Variants in ADAMTSL1 observed in about 807,000 individuals in gnomAD.
ADAMTSL1 encodes the protein ADAMTS like 1, also known as ADAMTS-like protein 1.
Under a neutral mutation model 201.8 loss-of-function variants are expected in ADAMTSL1, and 126 were observed. That is an observed-to-expected ratio of 0.62 (90% CI 0.54 to 0.72). The LOEUF (loss-of-function observed/expected upper bound fraction) is 0.72, where lower values mean the gene tolerates loss of function less well. Among genes scored for constraint, ADAMTSL1 ranks in the 30% least tolerant of loss-of-function variants. ADAMTSL1 has a pLI of 0.00. For synonymous variants in ADAMTSL1, 1,121 were observed against 903.4 expected, an observed-to-expected ratio of 1.24 and a Z score of -4.32; for missense variants, 2,679 against 2,277.8, an observed-to-expected ratio of 1.18 and a Z score of -3.59.
chr9:18,567,730 A>G (rs917410271), intron 3 of ADAMTSL1, among the ~76,000 whole-genome samples: 1 of 152,186 alleles, frequency 6.6e-6, no homozygotes, highest in East Asian at 1.9e-4. Context: ...TAACACAAAT[A>G]TATTCTTATA....
At chr9:18,786,780 G>A (rs72690558) in intron 19 of ADAMTSL1, among the ~76,000 whole-genome samples, 21,158 of 152,224 alleles carry the variant, frequency 0.14, 1,886 homozygotes, top group Non-Finnish European at 0.2. Context: ...CAGGCATCAT[G>A]AGGGGATGTT....
chr9:18,180,245 A>G (rs1487132850), intron 2 of ADAMTSL1, among the ~76,000 whole-genome samples: 1 of 152,140 alleles, frequency 6.6e-6, no homozygotes, highest in Admixed American at 6.5e-5. Context: ...GATAAAACAG[A>G]CTTTAAGGCC....
chr9:18,461,400 CAT>C (rs764671782), intron 2 of ADAMTSL1, among the ~76,000 whole-genome samples: 34 of 152,050 alleles, frequency 2.2e-4, no homozygotes, highest in Non-Finnish European at 2.9e-4. Context: ...ATGGTTTACA[CAT>C]GTTTGAAATA....
chr9:18,364,938 C>T (rs1318529400), intron 2 of ADAMTSL1, among the ~76,000 whole-genome samples: 1 of 152,078 alleles, frequency 6.6e-6, no homozygotes. Context: ...GAACTCCGCC[C>T]CCATGATCCA....
intron 23 of ADAMTSL1, among the ~76,000 whole-genome samples, chr9:18,844,598 G>C (rs1161412556): frequency 6.6e-6 from 1 of 152,206 alleles, no homozygotes; most frequent in Non-Finnish European, 1.5e-5. Flanking sequence ...AGTCTGCAGA[G>C]GTTACTGCTG....
At chr9:18,629,934 T>C (rs1826640423) in intron 5 of ADAMTSL1, among the ~76,000 whole-genome samples, 1 of 152,226 alleles carries the variant, frequency 6.6e-6, no homozygotes, top group African/African-American at 2.4e-5. Flanking sequence ...TATTTTAATA[T>C]CCATTCTGTG....
At chr9:18,415,487 G>C (rs1195274199) in intron 2 of ADAMTSL1, among the ~76,000 whole-genome samples, 1 of 152,034 alleles carries the variant, frequency 6.6e-6, no homozygotes, top group Non-Finnish European at 1.5e-5. Flanking sequence ...TATACTAATA[G>C]AAAGATCCCA....
rs528569121 is a variant in ADAMTSL1, at chr9:17,953,157, C to G, written c.87+46235C>G. 7.9e-5 allele frequency among the ~76,000 whole-genome samples: 12 copies of G among 152,078 alleles called. No individual in the cohort carries two copies. In the South Asian group the frequency reaches 2.3e-3, roughly 29 times the overall value. Reference sequence around the variant, plus strand: ...ATGACACATTGTATTGCTAAAAGTTCAGGTTCTTACTGCTGCTGTTGATGC... The same window carrying G: ...ATGACACATTGTATTGCTAAAAGTTGAGGTTCTTACTGCTGCTGTTGATGC... On this transcript the variant is annotated intron_variant, in intron 1 of 29. Transcript: ENST00000680146.
intron 1 of ADAMTSL1, among the ~76,000 whole-genome samples, chr9:18,073,920 C>G (rs1336594266): frequency 6.6e-6 from 1 of 152,060 alleles, no homozygotes; most frequent in Admixed American, 6.6e-5. Context: ...GGCTAATTTG[C>G]TAAAGGTTGC....
chr9:18,622,324 C>T lies in ADAMTSL1; in HGVS notation c.556C>T (p.Arg186Trp), dbSNP rs139380084. 8.2e-5 allele frequency: 133 copies of T among 1,613,888 alleles called. No individual in the cohort carries two copies. Among genetic ancestry groups the T allele is most frequent in the Middle Eastern group, 1.6e-4 (1 of 6,082 alleles). Reference sequence around the variant, plus strand: ...CTGCAACGGAGATGGGTCCACCTGCCGGCTGGTCCGAGGGCAGTATAAATC... The same window carrying T: ...CTGCAACGGAGATGGGTCCACCTGCTGGCTGGTCCGAGGGCAGTATAAATC... ...GVCNGDGSTCRLVRGQYKSQL... is the reference protein window; with the variant it reads ...GVCNGDGSTCWLVRGQYKSQL... Residue 186 changes from arginine to tryptophan, a missense_variant, in exon 5 of 29, where the codon CGG (arginine) becomes TGG (tryptophan). Coordinates refer to ENST00000380548, the MANE Select transcript of ADAMTSL1 (RefSeq NM_001040272.6).
chr9:18,544,576 T>C (rs1436959040), intron 3 of ADAMTSL1, among the ~76,000 whole-genome samples: 3 of 152,156 alleles, frequency 2.0e-5, no homozygotes, highest in Non-Finnish European at 4.4e-5. Context: ...GCAATAGTTG[T>C]AAATGACCAT....
At chr9:18,011,656 C>T (rs975011726) in intron 1 of ADAMTSL1, among the ~76,000 whole-genome samples, 6 of 152,026 alleles carry the variant, frequency 3.9e-5, no homozygotes, top group African/African-American at 1.2e-4. Flanking sequence ...ACATGGTAAG[C>T]CATCTAAAAC....
At chr9:18,282,878 C>G (rs977147790) in intron 2 of ADAMTSL1, among the ~76,000 whole-genome samples, 2 of 152,140 alleles carry the variant, frequency 1.3e-5, no homozygotes, top group African/African-American at 4.8e-5. Context: ...GCCTGGGCAA[C>G]AAGAGTGAAA....
At chr9:18,520,394 A>C (rs1818621704) in intron 2 of ADAMTSL1, among the ~76,000 whole-genome samples, 1 of 152,226 alleles carries the variant, frequency 6.6e-6, no homozygotes, top group African/African-American at 2.4e-5. Flanking sequence ...TTGGCACTAC[A>C]TTCAGAACAT....
intron 2 of ADAMTSL1, among the ~76,000 whole-genome samples, chr9:18,435,184 A>G (rs1421951860): frequency 6.6e-6 from 1 of 152,216 alleles, no homozygotes; most frequent in Non-Finnish European, 1.5e-5. Flanking sequence ...GTTATGGTAT[A>G]TTGAGTGCCT....
intron 1 of ADAMTSL1, among the ~76,000 whole-genome samples, chr9:18,053,768 A>G (rs923141438): frequency 6.6e-6 from 1 of 152,222 alleles, no homozygotes; most frequent in South Asian, 2.1e-4. Flanking sequence ...AGCACTCTTG[A>G]TGTACCAGGC....
rs186695813 is a variant in ADAMTSL1 at position 18,881,769 on chromosome 9, G to A, written c.4250-6062G>A. Among the ~76,000 whole-genome samples, 71 of 152,290 alleles carry A rather than the reference G, an allele frequency of 4.7e-4. No individual in the cohort carries two copies. In the East Asian group the frequency reaches 0.012, roughly 25 times the overall value. On this transcript the variant is annotated intron_variant, in intron 23 of 28. Transcript: ENST00000380548. Reference sequence around the variant, plus strand: ...ATAAAGCAAAGTACAATAAAGTGAGGTATGCCTGTATTATGAAGGCAGCTT... The same window carrying A: ...ATAAAGCAAAGTACAATAAAGTGAGATATGCCTGTATTATGAAGGCAGCTT...
Position 18,228,108 on chromosome 9 carries a change from G to A in ADAMTSL1, c.207+64127G>A, listed in dbSNP as rs530251174. 4.6e-5 allele frequency among the ~76,000 whole-genome samples: 7 copies of A among 152,278 alleles called. No homozygotes were observed. In the South Asian group the frequency reaches 1.5e-3, roughly 32 times the overall value. On this transcript the variant is annotated intron_variant, in intron 2 of 29. Transcript: ENST00000680146. ...TAAATACCTTAGACTGCACAACAAT[G>A]CATGCAAAATTTATTTACGAAGTCA... is the stretch of plus-strand genomic sequence containing the variant.
chr9:18,862,353 C>T (rs981431528), intron 23 of ADAMTSL1, among the ~76,000 whole-genome samples: 1 of 152,126 alleles, frequency 6.6e-6, no homozygotes, highest in Non-Finnish European at 1.5e-5. Context: ...TTTTGTTTTT[C>T]CTCCAAGCTG....
Sources: allele counts gnomAD v4.1 joint callset (sites outside exome capture counted in the v4.1 genomes callset), GRCh38; gene constraint gnomAD v4.1.1; transcripts MANE v1.5; gene names NCBI Gene and HGNC (gene_info 2026-07-23, HGNC 2026-07-21).